The following STXBP6 variants were observed in gnomAD, a reference collection of about 807,000 sequenced individuals.
The protein encoded by STXBP6 is syntaxin-binding protein 6.
STXBP6 carries 21 observed loss-of-function variants against 26.9 expected under a neutral mutation model. The observed-to-expected ratio is 0.78, with a 90% CI of 0.55 to 1.12. The LOEUF (loss-of-function observed/expected upper bound fraction) is 1.12. Among genes scored for constraint, STXBP6 ranks in the 50% most tolerant of loss-of-function variants. STXBP6 has a pLI of 0.00. For synonymous variants in STXBP6, 97 were observed against 92.6 expected (o/e 1.05, Z -0.27); for missense variants, 232 against 257.9 (o/e 0.90, Z 0.69).
intron 1 of STXBP6, chr14:25,010,421 A>G (rs751876464): frequency 2.0e-5 from 3 of 152,262 alleles, no homozygotes; most frequent in Non-Finnish European, 4.4e-5. Flanking sequence ...TTAAATCTGA[A>G]TTCCAATTGC....
chr14:25,027,690 G>C (rs541772568), intron 1 of STXBP6, among the ~76,000 whole-genome samples: 1 of 152,186 alleles, frequency 6.6e-6, no homozygotes, highest in Non-Finnish European at 1.5e-5. Flanking sequence ...AGCTAGAAAC[G>C]ATTACGCTTA....
At chr14:24,850,118 C>T (rs854315) in intron 4 of STXBP6, among the ~76,000 whole-genome samples, 11,902 of 151,216 alleles carry the variant, frequency 0.079, 556 homozygotes, top group East Asian at 0.19. Context: ...TTTTTTTTTC[C>T]ATGCCTGGGA....
intron 2 of STXBP6, among the ~76,000 whole-genome samples, chr14:24,920,846 A>G (rs1755425717): frequency 6.6e-6 from 1 of 152,000 alleles, no homozygotes; most frequent in South Asian, 2.1e-4. Flanking sequence ...TTACCCACAA[A>G]CTATGTTCTG....
At chr14:24,880,552 A>C (rs954851592) in intron 2 of STXBP6, among the ~76,000 whole-genome samples, 2 of 152,224 alleles carry the variant, frequency 1.3e-5, no homozygotes, top group Non-Finnish European at 2.9e-5. Context: ...CAGAAACTGT[A>C]GGCCAGGTAC....
intron 4 of STXBP6, among the ~76,000 whole-genome samples, chr14:24,840,840 CTT>C (rs33918222): frequency 1.8e-4 from 26 of 146,470 alleles, no homozygotes; most frequent in East Asian, 1.6e-3. Context: ...AATGTAACTG[CTT>C]TTTTTTTTTT....
intron 1 of STXBP6, among the ~76,000 whole-genome samples, chr14:25,022,452 A>T (rs796668821): frequency 8.5e-5 from 13 of 152,260 alleles, no homozygotes; most frequent in African/African-American, 2.9e-4. Context: ...TAAGTTGGGG[A>T]ATGATTGGCT....
intron 2 of STXBP6, among the ~76,000 whole-genome samples, chr14:24,941,482 A>C (rs2072801141): frequency 6.6e-6 from 1 of 152,270 alleles, no homozygotes; most frequent in African/African-American, 2.4e-5. Flanking sequence ...AGATTAATCA[A>C]TATGGCTGAC....
intron 1 of STXBP6, among the ~76,000 whole-genome samples, chr14:25,038,454 G>A (rs72682980): frequency 0.063 from 9,591 of 152,134 alleles, 425 homozygotes; most frequent in South Asian, 0.16. Context: ...CTCAAAAACT[G>A]GAAACAATTC....
In STXBP6 at chr14:24,810,187, T is replaced by C. The variant is rs1251076889; in HGVS notation, c.*2522A>G. On this transcript the variant is annotated 3_prime_UTR_variant, in exon 6 of 6. Coordinates refer to ENST00000323944, the MANE Select transcript of STXBP6 (RefSeq NM_001394410.1). The stretch of plus-strand genomic sequence containing the variant: ...ATACAATAAGTCCTTCACAGAAATA[T>C]AGTATCCCAAAATTCATAGAGAAGT... 5 of 152,220 alleles carry C rather than the reference T, an allele frequency of 3.3e-5. No individual in the cohort carries two copies. In the South Asian group the frequency reaches 1.0e-3, roughly 32 times the overall value. The allele number at this position is 152,220 out of a possible 1,614,324, so 9.4% of individuals were successfully genotyped here.
At chr14:24,861,252 A>C (rs2069529034) in intron 2 of STXBP6, among the ~76,000 whole-genome samples, 1 of 152,110 alleles carries the variant, frequency 6.6e-6, no homozygotes, top group African/African-American at 2.4e-5. Context: ...GAGTCTAACC[A>C]CCAGACATTT....
chr14:24,871,775 T>C (rs1264395589), intron 2 of STXBP6, among the ~76,000 whole-genome samples: 1 of 152,218 alleles, frequency 6.6e-6, no homozygotes, highest in African/African-American at 2.4e-5. Flanking sequence ...CTCTGATGTC[T>C]TTCCATAACC....
chr14:25,049,781 G>C lies in STXBP6; in HGVS notation c.-33+97C>G, dbSNP rs894945701. The C allele has an allele frequency of 1.0e-6, 1 of 985,474 alleles. No homozygotes were observed. Among genetic ancestry groups the C allele is most frequent in the Admixed American group, 6.1e-5 (1 of 16,268 alleles). The allele number at this position is 985,474 out of a possible 1,614,324, so 61.0% of individuals were successfully genotyped here. ...GGCCTCACAGCCACCCGCCTCGGACGGAGCGCCAGGCGCCCCAACAGCCGT... is the reference window on the plus strand; with the variant it reads ...GGCCTCACAGCCACCCGCCTCGGACCGAGCGCCAGGCGCCCCAACAGCCGT... On this transcript the variant is annotated intron_variant, in intron 1 of 5. Coordinates refer to ENST00000323944, the MANE Select transcript of STXBP6 (RefSeq NM_001394410.1). This position sits in a 1 kb window ranked among gnomAD's most constrained non-coding sequence, Gnocchi z 5.6.
At chr14:24,895,433 G>A (rs1435335846) in intron 2 of STXBP6, among the ~76,000 whole-genome samples, 1 of 152,192 alleles carries the variant, frequency 6.6e-6, no homozygotes, top group African/African-American at 2.4e-5. Context: ...TGGCATTCAT[G>A]TCCAGTGAAA....
intron 1 of STXBP6, among the ~76,000 whole-genome samples, chr14:25,026,997 T>C (rs1028237877): frequency 6.6e-6 from 1 of 152,224 alleles, no homozygotes; most frequent in Non-Finnish European, 1.5e-5. Context: ...ATACATATTG[T>C]TAGGAGCTAA....
intron 5 of STXBP6, 41 bp from the exon 6 acceptor site, chr14:24,812,773 C>T: frequency 6.2e-7 from 1 of 1,603,286 alleles, no homozygotes; most frequent in African/African-American, 1.3e-5. Flanking sequence ...ACTTTATTAG[C>T]AGGTATTAGC....
At chr14:24,822,004 T>A (rs933589165) in intron 4 of STXBP6, among the ~76,000 whole-genome samples, 1 of 152,144 alleles carries the variant, frequency 6.6e-6, no homozygotes, top group Non-Finnish European at 1.5e-5. Flanking sequence ...TCTGGAGCAA[T>A]CTCATCCAGC....
At chr14:24,979,460 A>G (rs1045359925) in intron 1 of STXBP6, among the ~76,000 whole-genome samples, 8 of 152,228 alleles carry the variant, frequency 5.3e-5, no homozygotes, top group African/African-American at 1.9e-4. Context: ...TCCTACTTCA[A>G]CGGAACTTCA....
At chr14:24,826,317 A>G (rs1412722672) in intron 4 of STXBP6, among the ~76,000 whole-genome samples, 1 of 152,048 alleles carries the variant, frequency 6.6e-6, no homozygotes, top group East Asian at 1.9e-4. Context: ...ATCTCATGAG[A>G]TTGCTGTGAG....
At chr14:25,041,280 C>T (rs922932083) in intron 1 of STXBP6, among the ~76,000 whole-genome samples, 1 of 152,024 alleles carries the variant, frequency 6.6e-6, no homozygotes, top group Non-Finnish European at 1.5e-5. Flanking sequence ...CGTGCCATTC[C>T]ACTCCAGCCT....
Sources: allele counts gnomAD v4.1 joint callset (sites outside exome capture counted in the v4.1 genomes callset), GRCh38; gene constraint gnomAD v4.1.1; non-coding constraint Gnocchi (gnomAD v3.1); transcripts MANE v1.5; gene names NCBI Gene and HGNC (gene_info 2026-07-23, HGNC 2026-07-21).